EXD3: variants seen among roughly 807,000 people sequenced by gnomAD.
EXD3 encodes the protein exonuclease 3'-5' domain containing 3.
A neutral mutation model predicts 98.0 loss-of-function variants in EXD3; 92 were observed. The ratio of observed to expected loss-of-function variants is 0.94; its 90% CI spans 0.79 to 1.12. EXD3 has a LOEUF of 1.12. Among genes scored for constraint, EXD3 ranks in the 50% most tolerant of loss-of-function variants. The pLI is 0.00. For synonymous variants in EXD3, 569 were observed against 526.0 expected (o/e 1.08, Z -1.12); for missense variants, 1,222 against 1,191.6 (o/e 1.03, Z -0.38).
chr9:137,354,607 G>A, intron 9 of EXD3, 93 bp downstream of exon 9: 1 of 1,573,752 alleles, frequency 6.4e-7, no homozygotes. Context: ...TGATATGTCT[G>A]TGCACCCTGC....
chr9:137,354,695 C>T lies in EXD3; in HGVS notation c.831+5G>A, dbSNP rs143654067. 2.5e-3 allele frequency: 4,077 copies of T among 1,610,576 alleles called. 16 individuals carry two copies. The highest frequency in any genetic ancestry group is 0.016 in the East Asian group (728 of 44,876). ...TGCCCCCAGGACCCCCTCCTGCTCA[C>T]GAACCTCCACAAACCGCTTGTGGCA... On this transcript the variant is annotated splice_donor_5th_base_variant and intron_variant, in intron 9 of 21. Coordinates refer to ENST00000340951, the MANE Select transcript of EXD3 (RefSeq NM_017820.5).
chr9:137,377,859 T>C (rs1248561826), intron 3 of EXD3, among the ~76,000 whole-genome samples: 1 of 137,290 alleles, frequency 7.3e-6, no homozygotes, highest in South Asian at 2.3e-4. Context: ...AGTGGTGCGA[T>C]CTTGGCTCAC....
rs1836567565 is a variant in EXD3, at chr9:137,385,876, A to G, written c.56-2499T>C. ...CAGAGTTTCAGATGCGTGAGATGAG[A>G]AGGTTCTGCAGGTGGACGGTGGTGG... On this transcript the variant is annotated intron_variant, in intron 2 of 21. Transcript: ENST00000340951. The surrounding 1 kb of genome is among the most constrained non-coding windows in gnomAD (Gnocchi z 4.4). Among the ~76,000 whole-genome samples the G allele has an allele frequency of 6.6e-6, 1 of 152,116 alleles. No individual in the cohort carries two copies. The highest frequency in any genetic ancestry group is 1.5e-5 in the Non-Finnish European group (1 of 68,030).
intron 19 of EXD3, among the ~76,000 whole-genome samples, chr9:137,316,485 C>G (rs1292359335): frequency 6.6e-6 from 1 of 152,086 alleles, no homozygotes; most frequent in East Asian, 1.9e-4. Flanking sequence ...ACCAATGGGG[C>G]CGGTCCCGGC....
intron 19 of EXD3, 72 bp from the exon 20 acceptor site, chr9:137,309,772 G>A (rs528956647): frequency 4.4e-6 from 5 of 1,128,252 alleles, no homozygotes; most frequent in Non-Finnish European, 5.2e-6. Context: ...CCCTCTGCTC[G>A]CTCCTCGAAG....
chr9:137,374,525 G>T (rs941378822), intron 3 of EXD3: 3 of 983,358 alleles, frequency 3.1e-6, no homozygotes, highest in African/African-American at 3.5e-5. Flanking sequence ...TTGCTCCGGC[G>T]ATTTGAAAGC....
At chr9:137,388,505 C>G (rs1238586626) in intron 2 of EXD3, among the ~76,000 whole-genome samples, 4 of 152,134 alleles carry the variant, frequency 2.6e-5, no homozygotes, top group Non-Finnish European at 5.9e-5. Flanking sequence ...GCCGAAGGCT[C>G]TGTTATTCCC....
chr9:137,363,472 G>T (rs1469393350), intron 7 of EXD3, among the ~76,000 whole-genome samples: 1 of 151,352 alleles, frequency 6.6e-6, no homozygotes, highest in African/African-American at 2.4e-5. Context: ...TGAGTAGCTG[G>T]GATTACAGGT....
intron 7 of EXD3, among the ~76,000 whole-genome samples, chr9:137,356,960 G>A (rs904841597): frequency 6.6e-6 from 1 of 152,180 alleles, no homozygotes; most frequent in Non-Finnish European, 1.5e-5. Flanking sequence ...CCAAGATAAG[G>A]TCCACGGGGT....
In EXD3 at chr9:137,394,116, G is replaced by A. The variant is rs186168684; in HGVS notation, c.55+1187C>T. 1.0e-3 allele frequency among the ~76,000 whole-genome samples: 154 copies of A among 151,658 alleles called. 3 individuals are homozygous for A. The East Asian group carries it at 0.024, about 24-fold the overall frequency. ...GCAGCTCCACTCCTTCCCAGCCGCC[G>A]CTTCCCTAACCCCAGCCTCCCAGCC... On this transcript the variant is annotated intron_variant, in intron 2 of 21. Coordinates refer to ENST00000340951, the MANE Select transcript of EXD3 (RefSeq NM_017820.5).
At chr9:137,309,169 A>G (rs1831225965) in intron 20 of EXD3, among the ~76,000 whole-genome samples, 1 of 152,204 alleles carries the variant, frequency 6.6e-6, no homozygotes, top group Non-Finnish European at 1.5e-5. Context: ...ACAGGAGGAG[A>G]AAGAAGCCCT....
intron 2 of EXD3, among the ~76,000 whole-genome samples, chr9:137,384,502 G>T (rs780866402): frequency 6.6e-6 from 1 of 152,214 alleles, no homozygotes; most frequent in Non-Finnish European, 1.5e-5. Flanking sequence ...ATGGGCGAGC[G>T]TGAGACGTGG....
rs747329347 is a variant in EXD3, at chr9:137,349,235, C to T, written c.1705G>A (p.Glu569Lys). 5 of 1,575,978 alleles carry T rather than the reference C, an allele frequency of 3.2e-6. No individual in the cohort carries two copies. The highest frequency in any genetic ancestry group is 2.7e-5 in the African/African-American group (2 of 74,354). Reference sequence around the variant, plus strand: ...TCCGACAGGTGGAAGCGGGCGGGCTCTCTGCACAGGGCTTGGTGCACCTCC... The same window carrying T: ...TCCGACAGGTGGAAGCGGGCGGGCTTTCTGCACAGGGCTTGGTGCACCTCC... ...LLEVHQALCR[E>K]PARFHLSEDL... is the part of the protein sequence containing the mutation. Residue 569 changes from glutamate (E) to lysine (K), a missense_variant, in exon 16 of 22, where the codon GAG becomes AAG. By Grantham distance (56) the Glu-to-Lys change is moderately conservative (BLOSUM62 1). Transcript: ENST00000340951. The surrounding 1 kb of genome is among the most constrained non-coding windows in gnomAD (Gnocchi z 7.4).
intron 14 of EXD3, 104 bp downstream of exon 14, chr9:137,350,934 G>A (rs970985894): frequency 1.1e-5 from 10 of 873,304 alleles, no homozygotes; most frequent in South Asian, 8.1e-5. Flanking sequence ...ACAGGAATCC[G>A]GCGGGAGAAG....
intron 2 of EXD3, among the ~76,000 whole-genome samples, chr9:137,386,921 C>A (rs1179969158): frequency 2.1e-5 from 3 of 145,102 alleles, no homozygotes; most frequent in African/African-American, 5.1e-5. Context: ...CTGCTCCCTG[C>A]CTGCCTCCCT....
rs201793473 is a variant in EXD3 at position 137,351,464 on chromosome 9, C to T, written c.1238G>A (p.Arg413Gln). 8.9e-5 allele frequency: 142 copies of T among 1,601,200 alleles called. No individual in the cohort carries two copies. The highest frequency in any genetic ancestry group is 1.1e-4 in the Non-Finnish European group (131 of 1,175,400). Residue 413 changes from arginine (R) to glutamine (Q), a missense_variant, in exon 13 of 22, where the codon CGG becomes CAG. Arg to Gln is a conservative substitution (Grantham distance 43, BLOSUM62 1). Coordinates refer to ENST00000340951, the MANE Select transcript of EXD3 (RefSeq NM_017820.5). ...CACGGCCACCTGCAGGAGTGACGGC[C>T]GAGGCCGGCCCCCAGCAACAAACAC... ...TPVFVAGGRPRPSLLQVAVEG... is the reference protein window; with the variant it reads ...TPVFVAGGRPQPSLLQVAVEG...
chr9:137,418,777 AAAGG>A (rs980113925), intron 1 of EXD3, among the ~76,000 whole-genome samples: 12 of 152,162 alleles, frequency 7.9e-5, no homozygotes, highest in Non-Finnish European at 1.8e-4. Context: ...AGAAAAAAAA[AAAGG>A]GGAAAGAGGG....
chr9:137,380,334 TC>T (rs1168774752), intron 3 of EXD3, among the ~76,000 whole-genome samples: 8 of 16,376 alleles, frequency 4.9e-4, no homozygotes, highest in South Asian at 2.4e-3. Flanking sequence ...CCTGCCAGTA[TC>T]CCCCCCCACC....
intron 1 of EXD3, among the ~76,000 whole-genome samples, chr9:137,411,289 G>A (rs1347299928): frequency 2.0e-5 from 3 of 152,168 alleles, no homozygotes; most frequent in Non-Finnish European, 2.9e-5. Flanking sequence ...CCTTCCCAGA[G>A]AAGGAAACCA....
Sources: gnomAD v4.1 joint callset for allele counts (sites outside exome capture counted in the v4.1 genomes callset) on GRCh38, gnomAD v4.1.1 for gene constraint, Gnocchi (gnomAD v3.1) non-coding constraint, MANE v1.5 for transcripts, NCBI Gene and HGNC (gene_info 2026-07-23, HGNC 2026-07-21) for gene names.